SLC25A26: variants seen among roughly 807,000 people sequenced by gnomAD.
The protein encoded by SLC25A26 is solute carrier family 25 member 26, also known as mitochondrial S-adenosylmethionine carrier protein.
A neutral mutation model predicts 37.8 loss-of-function variants in SLC25A26; 36 were observed. The observed-to-expected ratio is 0.95, with a 90% confidence interval of 0.73 to 1.26. The LOEUF (loss-of-function observed/expected upper bound fraction) is 1.26, where lower values mean the gene tolerates loss of function less well. Ranked by LOEUF, SLC25A26 falls within the 50% of genes most tolerant of loss-of-function variation. The probability of loss-of-function intolerance (pLI) is 0.00; values close to 1 mark genes in which losing one functional copy is unlikely to be tolerated. For missense variants in SLC25A26, 390 were observed against 331.1 expected (o/e 1.18, Z -1.38); for synonymous variants, 129 against 122.5 (o/e 1.05, Z -0.35).
chr3:66,161,496 T>C (rs1366262931), intron 1 of SLC25A26, among the ~76,000 whole-genome samples: 2 of 152,234 alleles, frequency 1.3e-5, no homozygotes, highest in African/African-American at 4.8e-5. Flanking sequence ...AATGTTTCTC[T>C]GACTGCTAAT....
intron 6 of SLC25A26, among the ~76,000 whole-genome samples, chr3:66,354,774 G>T (rs1444110209): frequency 6.6e-6 from 1 of 152,110 alleles, no homozygotes; most frequent in Non-Finnish European, 1.5e-5. Context: ...GATCTTTCCA[G>T]CACTGTTCTC....
At chr3:66,189,757 G>A (rs2070900915) in intron 1 of SLC25A26, among the ~76,000 whole-genome samples, 1 of 152,092 alleles carries the variant, frequency 6.6e-6, no homozygotes, top group Admixed American at 6.5e-5. Flanking sequence ...AACCTCCTGG[G>A]CTCAAGCGAC....
At chr3:66,228,470 A>C (rs1313233367) in intron 1 of SLC25A26, among the ~76,000 whole-genome samples, 3 of 152,228 alleles carry the variant, frequency 2.0e-5, no homozygotes, top group Non-Finnish European at 4.4e-5. Flanking sequence ...CATTAATTAA[A>C]TTCCAAATAA....
At chr3:66,223,819 G>C (rs2071610642) in intron 1 of SLC25A26, among the ~76,000 whole-genome samples, 1 of 152,166 alleles carries the variant, frequency 6.6e-6, no homozygotes, top group Non-Finnish European at 1.5e-5. Context: ...AGCACAGAGT[G>C]GGGTATCCAG....
chr3:66,349,239 G>C (rs970097337), intron 6 of SLC25A26, among the ~76,000 whole-genome samples: 1 of 151,786 alleles, frequency 6.6e-6, no homozygotes, highest in African/African-American at 2.4e-5. Flanking sequence ...TTTCTGTCAA[G>C]TCGTTTCTTG....
chr3:66,311,249 TCTC>T (rs2075368229), intron 5 of SLC25A26, among the ~76,000 whole-genome samples: 1 of 152,050 alleles, frequency 6.6e-6, no homozygotes, highest in African/African-American at 2.4e-5. Flanking sequence ...TGATCTTCAG[TCTC>T]TGATAGCCTT....
chr3:66,241,931 G>C (rs543077712), intron 2 of SLC25A26, among the ~76,000 whole-genome samples: 55 of 150,922 alleles, frequency 3.6e-4, no homozygotes, highest in South Asian at 2.3e-3. Flanking sequence ...TTTTTAAAGA[G>C]CCAGAAGGAA....
intron 5 of SLC25A26, among the ~76,000 whole-genome samples, chr3:66,342,280 G>T (rs2076226865): frequency 6.6e-6 from 1 of 151,932 alleles, no homozygotes; most frequent in Non-Finnish European, 1.5e-5. Flanking sequence ...GAGAGTTCTG[G>T]GTTATTTCTG....
intron 1 of SLC25A26, among the ~76,000 whole-genome samples, chr3:66,210,738 T>A (rs1322405612): frequency 6.6e-6 from 1 of 152,176 alleles, no homozygotes; most frequent in Non-Finnish European, 1.5e-5. Context: ...GGTCTTGAAC[T>A]CTGGGGCTCA....
intron 1 of SLC25A26, among the ~76,000 whole-genome samples, chr3:66,162,503 A>G (rs1374875520): frequency 6.6e-6 from 1 of 152,148 alleles, no homozygotes; most frequent in Non-Finnish European, 1.5e-5. Context: ...AAAGTGGTCC[A>G]TGCAGCAAAC....
At chr3:66,325,406 T>C (rs1423480635) in intron 5 of SLC25A26, among the ~76,000 whole-genome samples, 1 of 152,336 alleles carries the variant, frequency 6.6e-6, no homozygotes, top group African/African-American at 2.4e-5. Context: ...AGGGGAAACA[T>C]CTGTTAAGAA....
chr3:66,310,324 C>T lies in SLC25A26; in HGVS notation c.454-36040C>T, dbSNP rs990520334. On this transcript the variant is annotated intron_variant, in intron 5 of 9. Transcript: ENST00000354883. ...TTGTCAGAGACAAGGATTGCAACCC[C>T]TGCTTTTTTTTGCTTTCCATTGGCT... Among the ~76,000 whole-genome samples the T allele has an allele frequency of 3.9e-5, 6 of 152,250 alleles. No individual in the cohort carries two copies. In the East Asian group the frequency reaches 7.7e-4, roughly 20 times the overall value.
At chr3:66,279,147 C>T (rs13083304) in intron 5 of SLC25A26, among the ~76,000 whole-genome samples, 5,068 of 152,120 alleles carry the variant, frequency 0.033, 123 homozygotes, top group Non-Finnish European at 0.052. Context: ...ATTGCCTTTT[C>T]TGTATGAAAA....
intron 5 of SLC25A26, among the ~76,000 whole-genome samples, chr3:66,299,545 C>T (rs954462512): frequency 3.3e-5 from 5 of 152,112 alleles, no homozygotes; most frequent in African/African-American, 1.2e-4. Flanking sequence ...CTTGTAAAAA[C>T]TATGTTAACC....
intron 1 of SLC25A26, among the ~76,000 whole-genome samples, chr3:66,189,459 C>T (rs1435495214): frequency 6.6e-6 from 1 of 152,144 alleles, no homozygotes; most frequent in African/African-American, 2.4e-5. Flanking sequence ...CTGTGACCCC[C>T]TCTCTCTGAC....
At chr3:66,296,972 T>A (rs1302504505) in intron 5 of SLC25A26, among the ~76,000 whole-genome samples, 1 of 152,032 alleles carries the variant, frequency 6.6e-6, no homozygotes, top group Non-Finnish European at 1.5e-5. Flanking sequence ...GTGACAAGAG[T>A]CCAGATTGTT....
intron 5 of SLC25A26, among the ~76,000 whole-genome samples, chr3:66,332,265 A>G (rs916810974): frequency 1.3e-5 from 2 of 151,916 alleles, no homozygotes; most frequent in Non-Finnish European, 2.9e-5. Flanking sequence ...GCATGCACCT[A>G]CTCCTACTGT....
intron 6 of SLC25A26, among the ~76,000 whole-genome samples, chr3:66,349,364 C>T (rs1009900709): frequency 6.6e-6 from 1 of 152,132 alleles, no homozygotes; most frequent in Non-Finnish European, 1.5e-5. Flanking sequence ...TTCCCTCATG[C>T]CGTCAGTGCC....
intron 1 of SLC25A26, among the ~76,000 whole-genome samples, chr3:66,188,031 C>G (rs2070863805): frequency 6.6e-6 from 1 of 152,094 alleles, no homozygotes; most frequent in African/African-American, 2.4e-5. Flanking sequence ...TGACTTAGAA[C>G]CCTATCCTCA....
Sources: gnomAD v4.1 joint callset for allele counts (sites outside exome capture counted in the v4.1 genomes callset) on GRCh38, gnomAD v4.1.1 for gene constraint, MANE v1.5 for transcripts, NCBI Gene and HGNC (gene_info 2026-07-23, HGNC 2026-07-21) for gene names.